Variants in FARSB observed in about 807,000 individuals in gnomAD.
The protein encoded by FARSB is phenylalanine--tRNA ligase beta subunit.
FARSB carries 40 observed loss-of-function variants against 69.6 expected under a neutral mutation model. The ratio of observed to expected loss-of-function variants is 0.57; its 90% CI spans 0.45 to 0.75. FARSB has a LOEUF of 0.75. FARSB is among the 30% of genes least tolerant of loss of function. The probability of loss-of-function intolerance (pLI) is 0.00; values close to 1 mark genes in which losing one functional copy is unlikely to be tolerated. For missense variants in FARSB, 632 were observed against 722.9 expected (o/e 0.87, Z 1.44); for synonymous variants, 235 against 247.2 (o/e 0.95, Z 0.46).
rs139445703 is a variant in FARSB, at chr2:222,619,692, C to T, written c.1297G>A (p.Ala433Thr). The T allele has an allele frequency of 1.9e-5, 30 of 1,607,814 alleles. No homozygotes were observed. Among genetic ancestry groups the T allele is most frequent in the Non-Finnish European group, 2.5e-5 (29 of 1,175,014 alleles). ...IADKLGVDIS[A>T]TKAVHISNPK... ...TTACTTATGTGGACTGCCTTTGTTG[C>T]AGAGATATCCACACCTAGTTTATCA... The change falls in exon 14 of 17, where the codon GCA becomes ACA. Residue 433 changes from alanine to threonine, a missense_variant. Physicochemically the swap from Ala to Thr is moderately conservative, Grantham distance 58. Coordinates refer to ENST00000281828, the MANE Select transcript of FARSB (RefSeq NM_005687.5).
Position 222,593,207 on chromosome 2 carries a change from G to A in FARSB, c.1618+6721C>T, listed in dbSNP as rs536945479. Among the ~76,000 whole-genome samples, 4 of 152,042 alleles carry A rather than the reference G, an allele frequency of 2.6e-5. No individual in the cohort carries two copies. In the East Asian group the frequency reaches 5.8e-4, roughly 22 times the overall value. On this transcript the variant is annotated intron_variant, in intron 16 of 16. Transcript: ENST00000281828. ...TTAGAGGAAAAGGGGCGGGGCAGGG[G>A]GGTATGAAAAAAATCTTCCATATTA...
chr2:222,603,720 ATAATAT>A (rs1326349577), intron 15 of FARSB, among the ~76,000 whole-genome samples: 1 of 147,604 alleles, frequency 6.8e-6, no homozygotes, highest in Non-Finnish European at 1.5e-5. Flanking sequence ...AATAATAAAT[ATAATAT>A]TAATTATATA....
chr2:222,632,480 A>C (rs887662820), intron 7 of FARSB, among the ~76,000 whole-genome samples: 2 of 152,202 alleles, frequency 1.3e-5, no homozygotes, highest in Admixed American at 1.3e-4. Context: ...CTTGAGAAGA[A>C]GCTTCTCCTT....
intron 16 of FARSB, among the ~76,000 whole-genome samples, chr2:222,588,980 T>G (rs143102136): frequency 0.31 from 47,362 of 152,052 alleles, 7,572 homozygotes; most frequent in Middle Eastern, 0.45. Flanking sequence ...AAGCTACCAA[T>G]GACTTTCTTC....
rs745550691 is a variant in FARSB at position 222,571,024 on chromosome 2, A to T, written c.*847T>A. ...AGGATTGGCTGAAGCTTAGCTTCAG[A>T]AAAAGAGAGGTCTAATATCTCCCTG... On this transcript the variant is annotated 3_prime_UTR_variant, in exon 17 of 17. Coordinates refer to ENST00000281828, the MANE Select transcript of FARSB (RefSeq NM_005687.5). The T allele has an allele frequency of 2.0e-5, 3 of 152,194 alleles. No individual in the cohort carries two copies. The highest frequency in any genetic ancestry group is 6.5e-5 in the Admixed American group (1 of 15,278). 9.4% of individuals were successfully genotyped at this position (152,194 alleles called of 1,614,324 possible).
At chr2:222,605,424 T>C (rs944848001) in intron 15 of FARSB, among the ~76,000 whole-genome samples, 2 of 152,156 alleles carry the variant, frequency 1.3e-5, no homozygotes, top group Non-Finnish European at 2.9e-5. Flanking sequence ...ATACTACCAT[T>C]AAGAGAGAGC....
chr2:222,655,062 A>G (rs1692136725), intron 1 of FARSB, among the ~76,000 whole-genome samples: 1 of 151,976 alleles, frequency 6.6e-6, no homozygotes, highest in African/African-American at 2.4e-5. Context: ...CTCGGGCGCG[A>G]TGGCGGACGC....
At chr2:222,601,440 G>C (rs1690558649) in intron 15 of FARSB, among the ~76,000 whole-genome samples, 2 of 151,566 alleles carry the variant, frequency 1.3e-5, no homozygotes, top group East Asian at 1.9e-4. Flanking sequence ...ATAATAAAAA[G>C]ATGAAAAACA....
At chr2:222,614,061 T>C (rs1371141799) in intron 14 of FARSB, 133 bp from the exon 15 acceptor site, 1 of 471,336 alleles carries the variant, frequency 2.1e-6, no homozygotes, top group Non-Finnish European at 3.8e-6. Context: ...TGCCCTAAAA[T>C]ATCCAAGTCA....
At chr2:222,605,094 C>T (rs2106202207) in intron 15 of FARSB, among the ~76,000 whole-genome samples, 1 of 151,044 alleles carries the variant, frequency 6.6e-6, no homozygotes, top group Admixed American at 6.6e-5. Flanking sequence ...AGGCACAAAA[C>T]CTCACTAAAC....
chr2:222,592,142 C>A (rs1419978869), intron 16 of FARSB, among the ~76,000 whole-genome samples: 1 of 152,160 alleles, frequency 6.6e-6, no homozygotes, highest in Non-Finnish European at 1.5e-5. Context: ...ATGGTTTAAA[C>A]AAGATGGAAG....
At chr2:222,645,081 A>T (rs1691815028) in intron 2 of FARSB, among the ~76,000 whole-genome samples, 1 of 152,128 alleles carries the variant, frequency 6.6e-6, no homozygotes, top group East Asian at 1.9e-4. Context: ...TGTCAGTGCT[A>T]CCTGACAATA....
chr2:222,644,806 TTAAAA>T (rs1463910441), intron 2 of FARSB, among the ~76,000 whole-genome samples: 3 of 152,118 alleles, frequency 2.0e-5, no homozygotes, highest in Non-Finnish European at 4.4e-5. Context: ...AATAGAACAA[TTAAAA>T]TAATATACTA....
At chr2:222,636,861 C>A (rs547017797) in intron 5 of FARSB, among the ~76,000 whole-genome samples, 1 of 152,214 alleles carries the variant, frequency 6.6e-6, no homozygotes, top group African/African-American at 2.4e-5. Context: ...AGGCAATGGA[C>A]ATGAGAAGAA....
chr2:222,578,425 A>G (rs1053620734), intron 16 of FARSB, among the ~76,000 whole-genome samples: 2 of 152,256 alleles, frequency 1.3e-5, no homozygotes, highest in African/African-American at 4.8e-5. Context: ...AAATTTCACA[A>G]TTAGTTAACT....
rs531630650 is a variant in FARSB at position 222,612,730 on chromosome 2, C to CAATGCACATACAGCTTCG, written c.1462+1063_1462+1080dup. On this transcript the variant is annotated intron_variant, in intron 15 of 16. Transcript: ENST00000281828. Reference sequence around the variant, plus strand: ...CTTAAGGTATTGCTCACCAAGGGACCAATGCACATACAGCTTCGAACAGTC... The same window carrying CAATGCACATACAGCTTCG: ...CTTAAGGTATTGCTCACCAAGGGACCAATGCACATACAGCTTCGAATGCACATACAGCTTCGAACAGTC... 1.8e-4 allele frequency among the ~76,000 whole-genome samples: 27 copies of CAATGCACATACAGCTTCG among 152,236 alleles called. 1 individual carries two copies. In the East Asian group the frequency reaches 4.0e-3, roughly 23 times the overall value.
intron 8 of FARSB, among the ~76,000 whole-genome samples, chr2:222,630,495 T>A (rs762215521): frequency 1.3e-5 from 2 of 152,188 alleles, no homozygotes; most frequent in African/African-American, 2.4e-5. Flanking sequence ...CTCCTAAGTC[T>A]CTGAGGCCAG....
At chr2:222,626,297 T>C (rs1691274919) in intron 10 of FARSB, among the ~76,000 whole-genome samples, 1 of 144,922 alleles carries the variant, frequency 6.9e-6, no homozygotes, top group East Asian at 2.0e-4. Context: ...AATGAATTAA[T>C]AAATTAGGAC....
chr2:222,632,000 A>G (rs567883589), intron 7 of FARSB, among the ~76,000 whole-genome samples: 61 of 148,908 alleles, frequency 4.1e-4, no homozygotes, highest in African/African-American at 1.5e-3. Context: ...TGAACCCGGG[A>G]GGTGCAGGTT....
Sources: allele counts gnomAD v4.1 joint callset (sites outside exome capture counted in the v4.1 genomes callset), GRCh38; gene constraint gnomAD v4.1.1; transcripts MANE v1.5; gene names NCBI Gene and HGNC (gene_info 2026-07-23, HGNC 2026-07-21).